The following MTCL1 variants were observed in gnomAD, a reference collection of about 807,000 sequenced individuals.
The protein encoded by MTCL1 is microtubule cross-linking factor 1.
MTCL1 carries 79 observed loss-of-function variants against 141.4 expected under a neutral mutation model. The observed-to-expected ratio is 0.56, with a 90% CI of 0.47 to 0.67. MTCL1 has a LOEUF of 0.67. MTCL1 is among the 30% of genes least tolerant of loss of function. MTCL1 has a pLI of 0.00. For missense variants in MTCL1, 2,177 were observed against 2,113.9 expected (o/e 1.03, Z -0.59); for synonymous variants, 914 against 875.8 (o/e 1.04, Z -0.77).
At chr18:8,706,244 G>T in exon 1 of MTCL1, 1 of 1,228,352 alleles carries the variant, frequency 8.1e-7, no homozygotes, top group Non-Finnish European at 1.0e-6. Context: ...TCGGTGGCCG[G>T]GTCCCCGGCC....
At chr18:8,716,953 A>G (rs888384507), upstream of MTCL1, among the ~76,000 whole-genome samples, 2 of 152,112 alleles carry the variant, frequency 1.3e-5, no homozygotes, top group Non-Finnish European at 2.9e-5. Flanking sequence ...ACCTGCAGCT[A>G]CATCTGTGGG....
chr18:8,706,896 G>C (rs2096061007), intron 1 of MTCL1, among the ~76,000 whole-genome samples, 183 bp downstream of exon 1: 1 of 152,248 alleles, frequency 6.6e-6, no homozygotes, highest in South Asian at 2.1e-4. Context: ...GGAGAAGCAA[G>C]ACCTGTGGGA....
At chr18:8,761,629 C>T (rs912765443) in intron 4 of MTCL1, among the ~76,000 whole-genome samples, 1 of 152,202 alleles carries the variant, frequency 6.6e-6, no homozygotes, top group Non-Finnish European at 1.5e-5. Context: ...GGACAATTTA[C>T]AAAAGAAACA....
intron 9 of MTCL1, among the ~76,000 whole-genome samples, chr18:8,797,881 A>G (rs1382347567): frequency 6.6e-6 from 1 of 152,180 alleles, no homozygotes; most frequent in Non-Finnish European, 1.5e-5. Flanking sequence ...TTTCTCCCTA[A>G]TGTCTTCTAA....
At chr18:8,798,785 G>T (rs953594207) in intron 10 of MTCL1, among the ~76,000 whole-genome samples, 1 of 152,222 alleles carries the variant, frequency 6.6e-6, no homozygotes, top group Non-Finnish European at 1.5e-5. Context: ...TGAGACTTCA[G>T]TGTTATTAAG....
At position 8,822,036 on chromosome 18, in the gene MTCL1, G is replaced by A. The variant is rs569593334; in HGVS notation, c.3188+538G>A. Among the ~76,000 whole-genome samples the A allele has an allele frequency of 2.1e-4, 32 of 152,182 alleles. No individual in the cohort carries two copies. Among genetic ancestry groups the A allele is most frequent in the African/African-American group, 6.7e-4 (28 of 41,526 alleles). The stretch of plus-strand genomic sequence containing the variant: ...ATCATTCTCCAAATGAATACATACC[G>A]TTTCTACTACATGAAATTTCTTCTC... On this transcript the variant is annotated intron_variant, in intron 14 of 16. Transcript: ENST00000359865. This position sits in a 1 kb window ranked among gnomAD's most constrained non-coding sequence, Gnocchi z 4.6.
intron 4 of MTCL1, among the ~76,000 whole-genome samples, chr18:8,767,002 G>T (rs1300846003): frequency 6.6e-6 from 1 of 152,228 alleles, no homozygotes; most frequent in Non-Finnish European, 1.5e-5. Context: ...TTGTCCTGTT[G>T]TAGGAGCAGG....
intron 4 of MTCL1, among the ~76,000 whole-genome samples, chr18:8,725,992 C>T (rs996135531): frequency 1.3e-5 from 2 of 151,762 alleles, no homozygotes; most frequent in African/African-American, 2.4e-5. Flanking sequence ...AGGGTTTCAC[C>T]ATGTTAGCCA....
At chr18:8,771,394 A>AC (rs950095253) in intron 4 of MTCL1, among the ~76,000 whole-genome samples, 4 of 152,052 alleles carry the variant, frequency 2.6e-5, no homozygotes, top group Non-Finnish European at 5.9e-5. Context: ...CTTATAAACT[A>AC]CCCCCCAAAA....
chr18:8,717,177 A>G (rs1185329012), upstream of MTCL1, among the ~76,000 whole-genome samples: 1 of 152,196 alleles, frequency 6.6e-6, no homozygotes, highest in Non-Finnish European at 1.5e-5. Context: ...CTCCCCTCTG[A>G]AGCTTACCTT....
At chr18:8,709,459 G>T (rs181035703) in intron 1 of MTCL1, among the ~76,000 whole-genome samples, 1 of 152,194 alleles carries the variant, frequency 6.6e-6, no homozygotes, top group African/African-American at 2.4e-5. Context: ...CTCCCAAAGT[G>T]CTAGGATTAC....
intron 4 of MTCL1, among the ~76,000 whole-genome samples, chr18:8,736,650 T>C (rs2148890357): frequency 6.6e-6 from 1 of 150,438 alleles, no homozygotes; most frequent in Admixed American, 6.6e-5. Flanking sequence ...TTTTTTTTTT[T>C]TTTTTGAGAT....
intron 4 of MTCL1, among the ~76,000 whole-genome samples, chr18:8,732,832 A>G (rs1255202001): frequency 6.6e-6 from 1 of 152,168 alleles, no homozygotes; most frequent in Non-Finnish European, 1.5e-5. Flanking sequence ...GGGTGGGGGC[A>G]GTTAGGTGTG....
chr18:8,719,801 C>T (rs1312556927), intron 3 of MTCL1, among the ~76,000 whole-genome samples: 2 of 152,136 alleles, frequency 1.3e-5, no homozygotes, highest in Non-Finnish European at 2.9e-5. Context: ...AACTCCTGAC[C>T]TCAAGTGATT....
intron 7 of MTCL1, 103 bp from the exon 7 acceptor site, chr18:8,792,895 C>T (rs760483378): frequency 1.6e-4 from 237 of 1,483,932 alleles, no homozygotes; most frequent in Non-Finnish European, 1.9e-4. Context: ...CATGCTGTGT[C>T]GCTCCGTGTG....
At position 8,824,138 on chromosome 18, in the gene MTCL1, G is replaced by A. The variant is rs958136733; in HGVS notation, c.3189-561G>A. On this transcript the variant is annotated intron_variant, in intron 14 of 16. Transcript: ENST00000359865. ...CCACTTCTTTGCCCTGGTGGTAGTC[G>A]TGCCCGAGCACTCCGGCCACTTTCT... Among the ~76,000 whole-genome samples, 8 of 152,182 alleles carry A rather than the reference G, an allele frequency of 5.3e-5. No individual in the cohort carries two copies. The East Asian group carries it at 9.6e-4, about 18-fold the overall frequency.
chr18:8,761,698 T>A (rs2096433423), intron 4 of MTCL1, among the ~76,000 whole-genome samples: 4 of 152,196 alleles, frequency 2.6e-5, no homozygotes. Context: ...TGGTGGAAGG[T>A]GAAAGGCACA....
chr18:8,737,457 G>T (rs934642346), intron 4 of MTCL1, among the ~76,000 whole-genome samples: 1 of 152,240 alleles, frequency 6.6e-6, no homozygotes, highest in African/African-American at 2.4e-5. Context: ...CCTGGGCCAG[G>T]CAGTGAGGGG....
intron 4 of MTCL1, among the ~76,000 whole-genome samples, chr18:8,738,147 C>G (rs933763079): frequency 1.3e-5 from 2 of 152,098 alleles, no homozygotes; most frequent in African/African-American, 4.8e-5. Flanking sequence ...GTGGGGTGGG[C>G]TTCCTCTCAC....
Sources: allele counts gnomAD v4.1 joint callset (sites outside exome capture counted in the v4.1 genomes callset), GRCh38; gene constraint gnomAD v4.1.1; non-coding constraint Gnocchi (gnomAD v3.1); transcripts MANE v1.5; gene names NCBI Gene and HGNC (gene_info 2026-07-23, HGNC 2026-07-21).